The following PAFAH1B1 variants were observed in gnomAD, a reference collection of about 807,000 sequenced individuals.
The protein encoded by PAFAH1B1 is platelet activating factor acetylhydrolase 1b regulatory subunit 1.
Under a neutral mutation model 57.5 loss-of-function variants are expected in PAFAH1B1, and 2 were observed. That is an observed-to-expected ratio of 0.03 (90% CI 0.01 to 0.11). The LOEUF (loss-of-function observed/expected upper bound fraction) is 0.11. Among genes scored for constraint, PAFAH1B1 ranks in the 10% least tolerant of loss-of-function variants. The pLI is 1.00. For synonymous variants in PAFAH1B1, 152 were observed against 169.6 expected (o/e 0.90, Z 0.81); for missense variants, 257 against 512.0 (o/e 0.50, Z 4.81).
intron 1 of PAFAH1B1, among the ~76,000 whole-genome samples, chr17:2,621,854 A>G (rs534123018): frequency 2.7e-4 from 41 of 152,224 alleles, no homozygotes; most frequent in African/African-American, 9.1e-4. Flanking sequence ...TGATAAAGGC[A>G]TAACCGAAAC....
intron 1 of PAFAH1B1, among the ~76,000 whole-genome samples, chr17:2,635,197 A>T (rs1478982460): frequency 3.3e-5 from 5 of 151,988 alleles, no homozygotes; most frequent in Non-Finnish European, 7.4e-5. Context: ...TTCCCCATTA[A>T]ACATGTTATT....
At chr17:2,599,762 A>G (rs1417395393) in intron 1 of PAFAH1B1, among the ~76,000 whole-genome samples, 1 of 152,150 alleles carries the variant, frequency 6.6e-6, no homozygotes, top group African/African-American at 2.4e-5. Context: ...AACTGGACAA[A>G]TTACCTATAC....
intron 2 of PAFAH1B1, among the ~76,000 whole-genome samples, chr17:2,663,128 A>G (rs1490781680): frequency 6.7e-6 from 1 of 150,210 alleles, no homozygotes; most frequent in African/African-American, 2.4e-5. Context: ...TAAAGAAAGA[A>G]AGAGCCAAGC....
At chr17:2,644,447 G>A (rs1275166335) in intron 2 of PAFAH1B1, among the ~76,000 whole-genome samples, 2 of 152,168 alleles carry the variant, frequency 1.3e-5, no homozygotes, top group Non-Finnish European at 2.9e-5. Flanking sequence ...GGAGGCTGAG[G>A]CAGGAGAATC....
chr17:2,632,208 C>T (rs1362880858), intron 1 of PAFAH1B1, among the ~76,000 whole-genome samples: 1 of 152,168 alleles, frequency 6.6e-6, no homozygotes, highest in Admixed American at 6.5e-5. Context: ...GGATTTCAGG[C>T]GTGAGCCTCC....
chr17:2,666,914 A>G, intron 4 of PAFAH1B1, 78 bp from the exon 5 acceptor site: 1 of 1,091,726 alleles, frequency 9.2e-7, no homozygotes, highest in Non-Finnish European at 1.4e-6. Flanking sequence ...TAGTTGCAAA[A>G]TAAAGGCAGT....
intron 2 of PAFAH1B1, among the ~76,000 whole-genome samples, chr17:2,664,702 C>CCA (rs2069080300): frequency 6.9e-6 from 1 of 144,394 alleles, no homozygotes; most frequent in Non-Finnish European, 1.5e-5. Flanking sequence ...CTTTCTCTCT[C>CCA]CATCTATAAA....
intron 1 of PAFAH1B1, among the ~76,000 whole-genome samples, chr17:2,632,327 T>A (rs1754961029): frequency 6.6e-6 from 1 of 152,262 alleles, no homozygotes; most frequent in South Asian, 2.1e-4. Context: ...CCAGCCAGTG[T>A]TCAAATTTTC....
rs896427553 is a variant in PAFAH1B1 at position 2,683,797 on chromosome 17, T to C, written c.*1995T>C. ...CTACAAAAACTATGGAAAATATCTT[T>C]GTTCTTGTTTGCTGCTATTTTCTGT... On this transcript the variant is annotated 3_prime_UTR_variant, in exon 11 of 11. Coordinates refer to ENST00000397195, the MANE Select transcript of PAFAH1B1 (RefSeq NM_000430.4). 1 of 152,682 alleles carries C rather than the reference T, an allele frequency of 6.5e-6. No individual in the cohort carries two copies. Among genetic ancestry groups the C allele is most frequent in the African/African-American group, 2.4e-5 (1 of 41,466 alleles). 9.5% of individuals were successfully genotyped at this position (152,682 alleles called of 1,614,324 possible). A position where few individuals can be genotyped will look rare whatever the true frequency, so the allele number is the denominator to read the frequency against.
At chr17:2,677,527 C>G (rs1416776180) in intron 9 of PAFAH1B1, among the ~76,000 whole-genome samples, 1 of 152,082 alleles carries the variant, frequency 6.6e-6, no homozygotes, top group African/African-American at 2.4e-5. Context: ...ATATGACAGA[C>G]ATATGTGGAA....
intron 2 of PAFAH1B1, among the ~76,000 whole-genome samples, chr17:2,665,028 G>T (rs904404737): frequency 6.6e-6 from 1 of 152,128 alleles, no homozygotes; most frequent in Non-Finnish European, 1.5e-5. Flanking sequence ...TAGCAAAATT[G>T]ATGGTTGCTG....
intron 2 of PAFAH1B1, among the ~76,000 whole-genome samples, chr17:2,656,336 G>A (rs559155824): frequency 6.6e-6 from 1 of 152,218 alleles, no homozygotes; most frequent in East Asian, 1.9e-4. Context: ...TGTAGTTCCA[G>A]CTACTCAGGA....
At chr17:2,675,468 A>C (rs2069247714) in intron 8 of PAFAH1B1, among the ~76,000 whole-genome samples, 1 of 151,756 alleles carries the variant, frequency 6.6e-6, no homozygotes, top group South Asian at 2.1e-4. Context: ...GCATTTTGAG[A>C]TTCTGTTTAC....
At chr17:2,657,285 C>T (rs985940009) in intron 2 of PAFAH1B1, among the ~76,000 whole-genome samples, 30 of 152,260 alleles carry the variant, frequency 2.0e-4, no homozygotes, top group African/African-American at 7.0e-4. Context: ...ACTGTGTCAC[C>T]CAGGCTGTAA....
At chr17:2,672,466 T>G (rs776174615) in intron 6 of PAFAH1B1, among the ~76,000 whole-genome samples, 189 bp from the exon 7 acceptor site, 7 of 152,162 alleles carry the variant, frequency 4.6e-5, no homozygotes, top group Middle Eastern at 3.2e-3. Flanking sequence ...CCTTGTGGGT[T>G]GTTGTTTTAC....
In PAFAH1B1 at chr17:2,664,665, G is replaced by GCGCTCTCTCTCTCTCT; in HGVS notation, c.33-706_33-705insGCTCTCTCTCTCTCTC. 1.3e-3 allele frequency among the ~76,000 whole-genome samples: 113 copies of GCGCTCTCTCTCTCTCT among 86,068 alleles called. 1 individual carries two copies. The highest frequency in any genetic ancestry group is 3.5e-3 in the African/African-American group (89 of 25,646). The allele number at this position is 86,068 out of a possible 152,430, so 56.5% of individuals were successfully genotyped here. On this transcript the variant is annotated intron_variant, in intron 2 of 10. Transcript: ENST00000397195. ...TGATATATATCTATATCTATCTATCGCTCTCTCTCTCTCTCTCTCTCTCTC... is the reference window on the plus strand; with the variant it reads ...TGATATATATCTATATCTATCTATCGCGCTCTCTCTCTCTCTCTCTCTCTCTCTCTCTCTCTCTCTC...
chr17:2,683,176 A>G lies in PAFAH1B1; in HGVS notation c.*1374A>G, dbSNP rs1222850716. ...ATTTAGCCGCTCGACATTTTACACA[A>G]CCCGGATATGTTGTATATTTTGACC... On this transcript the variant is annotated 3_prime_UTR_variant, in exon 11 of 11. Transcript: ENST00000397195. 1 of 152,116 alleles carries G rather than the reference A, an allele frequency of 6.6e-6. No homozygotes were observed. The highest frequency in any genetic ancestry group is 6.5e-5 in the Admixed American group (1 of 15,270). 9.4% of individuals were successfully genotyped at this position (152,116 alleles called of 1,614,324 possible).
At chr17:2,633,428 A>G (rs958196621) in intron 1 of PAFAH1B1, among the ~76,000 whole-genome samples, 8 of 151,238 alleles carry the variant, frequency 5.3e-5, no homozygotes, top group African/African-American at 1.9e-4. Context: ...TCAGCCTCCC[A>G]AAGTGCTGGG....
At chr17:2,659,493 C>A in intron 2 of PAFAH1B1, 1 of 182,000 alleles carries the variant, frequency 5.5e-6, no homozygotes. Context: ...TGCATTCCAG[C>A]CTGGCGACAG....
Sources: gnomAD v4.1 joint callset for allele counts (sites outside exome capture counted in the v4.1 genomes callset) on GRCh38, gnomAD v4.1.1 for gene constraint, MANE v1.5 for transcripts, NCBI Gene and HGNC (gene_info 2026-07-23, HGNC 2026-07-21) for gene names.